NLRC5: variants seen among roughly 807,000 people sequenced by gnomAD.
The protein encoded by NLRC5 is NLR family CARD domain containing 5.
In NLRC5, 114 loss-of-function variants were observed where a neutral mutation model predicts 206.9. The observed-to-expected ratio is 0.55, with a 90% confidence interval of 0.47 to 0.64. The LOEUF (loss-of-function observed/expected upper bound fraction) is 0.64, where lower values mean the gene tolerates loss of function less well. Ranked by LOEUF, NLRC5 falls within the 30% of genes least tolerant of loss-of-function variation. The pLI is 0.00. For missense variants in NLRC5, 2,008 were observed against 2,305.5 expected (o/e 0.87, Z 2.64); for synonymous variants, 952 against 962.8 (o/e 0.99, Z 0.21).
Position 57,058,078 on chromosome 16 carries a change from C to T in NLRC5, c.3760C>T (p.Leu1254=), listed in dbSNP as rs1347093174. 6.2e-7 allele frequency: 1 copy of T among 1,612,394 alleles called. No individual in the cohort carries two copies. The highest frequency in any genetic ancestry group is 2.2e-5 in the East Asian group (1 of 44,876). The change falls in exon 28 of 49, where the codon CTG becomes TTG. Residue 1254 remains leucine (L), a synonymous_variant. Coordinates refer to ENST00000688547, the MANE Select transcript of NLRC5 (RefSeq NM_001384950.1). The part of the protein sequence containing the change: ...DLSQVDLSAN[L]LGDSGLRCLL... ...TACCCCCTACAGTCTCTCAGCAAAC[C>T]TGCTGGGCGACAGCGGACTCAGATG...
At chr16:57,028,439 T>C in intron 8 of NLRC5, 54 bp downstream of exon 8, 7 of 1,376,276 alleles carry the variant, frequency 5.1e-6, no homozygotes, top group Non-Finnish European at 7.3e-6. Context: ...ACTGCCCAGG[T>C]CCCAGAGTCC....
intron 17 of NLRC5, 172 bp from the exon 18 acceptor site, chr16:57,041,313 G>A: frequency 1.7e-6 from 1 of 588,242 alleles, no homozygotes. Context: ...CATCCTGTGG[G>A]TGTCGTGTGT....
chr16:57,008,681 C>T (rs1033687636), intron 1 of NLRC5, among the ~76,000 whole-genome samples: 1 of 152,072 alleles, frequency 6.6e-6, no homozygotes, highest in Non-Finnish European at 1.5e-5. Context: ...CTACTTAGCA[C>T]ATAAGTATTG....
In NLRC5 at chr16:57,058,138, G is replaced by A. The variant is rs577534919; in HGVS notation, c.3820G>A (p.Gly1274Ser). The A allele has an allele frequency of 5.6e-6, 9 of 1,607,838 alleles. No individual in the cohort carries two copies. Among genetic ancestry groups the A allele is most frequent in the African/African-American group, 2.7e-5 (2 of 74,828 alleles). ...LECLPQVPISGLLDLSHNSIS... is the reference protein window; with the variant it reads ...LECLPQVPISSLLDLSHNSIS... ...ATGTCTGCCGCAGGTGCCCATCTCC[G>A]GTTTGCTTGAGTAAGTGGAAAGCAG... The change falls in exon 28 of 49, where the codon GGT (glycine) becomes AGT (serine). Residue 1274 changes from glycine to serine, a missense_variant. Gly to Ser is a moderately conservative substitution (Grantham distance 56, BLOSUM62 0). Coordinates refer to ENST00000688547, the MANE Select transcript of NLRC5 (RefSeq NM_001384950.1).
rs1303519061 is a variant in NLRC5 at position 57,058,238 on chromosome 16, C to T, written c.3830+90C>T. The stretch of plus-strand genomic sequence containing the variant: ...ATGGGGGCTCCTTCTGAGGGCATCC[C>T]CCAGAGCACCAGAGGACAAGGACTG... On this transcript the variant is annotated intron_variant, in intron 28 of 48. Transcript: ENST00000688547. The T allele has an allele frequency of 3.7e-6, 4 of 1,072,728 alleles. No individual in the cohort carries two copies. In the East Asian group the frequency reaches 1.0e-4, roughly 28 times the overall value. 66.5% of individuals were successfully genotyped at this position (1,072,728 alleles called of 1,614,324 possible). A position where few individuals can be genotyped will look rare whatever the true frequency, so the allele number is the denominator to read the frequency against.
At chr16:57,063,025 G>A (rs1393499386) in intron 32 of NLRC5, among the ~76,000 whole-genome samples, 1 of 149,582 alleles carries the variant, frequency 6.7e-6, no homozygotes, top group Non-Finnish European at 1.5e-5. Flanking sequence ...TTGTCTTTTT[G>A]TGACTGGCTC....
intron 1 of NLRC5, among the ~76,000 whole-genome samples, chr16:57,009,517 T>C (rs1039638779): frequency 2.0e-5 from 3 of 149,710 alleles, no homozygotes; most frequent in Admixed American, 2.0e-4. Context: ...GGCGTGAACC[T>C]GGGAGGTGGA....
intron 4 of NLRC5, among the ~76,000 whole-genome samples, chr16:57,023,218 C>T (rs1408104349): frequency 1.3e-5 from 2 of 152,184 alleles, no homozygotes; most frequent in Admixed American, 6.5e-5. Flanking sequence ...TTCTGGGTCC[C>T]CTTCCTTCTT....
intron 44 of NLRC5, 21 bp from the exon 45 acceptor site, chr16:57,079,200 G>A (rs1270872806): frequency 1.2e-6 from 2 of 1,613,924 alleles, no homozygotes; most frequent in Non-Finnish European, 1.7e-6. Context: ...TCCTCTCACA[G>A]GTATCTCCCC....
chr16:56,999,016 T>A lies in NLRC5; in HGVS notation c.-128+9399T>A, dbSNP rs114208977. On this transcript the variant is annotated intron_variant, in intron 1 of 48. Transcript: ENST00000688547. ...CAGTTCTGGAGACTAAAGTCTGAGA[T>A]CAGAGTGCCAGCATGGTCGGGTTCT... Among the ~76,000 whole-genome samples, 1,034 of 152,348 alleles carry A rather than the reference T, an allele frequency of 6.8e-3. 18 individuals are homozygous for A. Among genetic ancestry groups the A allele is most frequent in the African/African-American group, 0.023 (963 of 41,572 alleles).
At position 57,037,248 on chromosome 16, in the gene NLRC5, T is replaced by G; in HGVS notation, c.2765T>G (p.Val922Gly). 1 of 1,613,740 alleles carries G rather than the reference T, an allele frequency of 6.2e-7. No homozygotes were observed. Among genetic ancestry groups the G allele is most frequent in the Non-Finnish European group, 8.5e-7 (1 of 1,179,988 alleles). The change falls in exon 15 of 49, where the codon GTG becomes GGG. Residue 922 changes from valine (V) to glycine (G), a missense_variant. Val to Gly is a moderately radical substitution (Grantham distance 109). Coordinates refer to ENST00000688547, the MANE Select transcript of NLRC5 (RefSeq NM_001384950.1). ...VAGVHCVLRAVSACWTLAELH... is the reference protein window; with the variant it reads ...VAGVHCVLRAGSACWTLAELH... Reference sequence around the variant, plus strand: ...GGGGTGCATTGTGTGCTGAGGGCCGTGAGTGCGTGCTGGACCCTGGCAGAG... The same window carrying G: ...GGGGTGCATTGTGTGCTGAGGGCCGGGAGTGCGTGCTGGACCCTGGCAGAG...
At chr16:57,070,227 G>A (rs951363023) in intron 37 of NLRC5, among the ~76,000 whole-genome samples, 2 of 144,824 alleles carry the variant, frequency 1.4e-5, no homozygotes, top group Non-Finnish European at 3.0e-5. Flanking sequence ...TCAGGCTACG[G>A]AGAGGGCTGA....
intron 27 of NLRC5, 96 bp downstream of exon 27, chr16:57,055,615 T>C: frequency 2.1e-6 from 2 of 954,466 alleles, no homozygotes; most frequent in Admixed American, 2.0e-5. Flanking sequence ...CATACACTCA[T>C]GTGTGCCTGC....
intron 1 of NLRC5, chr16:57,013,894 A>G (rs977615401): frequency 7.2e-5 from 41 of 566,756 alleles, no homozygotes; most frequent in Non-Finnish European, 1.1e-4. Context: ...TATCATATGC[A>G]GATTCTACAA....
intron 16 of NLRC5, 47 bp from the exon 17 acceptor site, chr16:57,040,603 G>A (rs1251793270): frequency 2.5e-6 from 4 of 1,573,076 alleles, no homozygotes; most frequent in East Asian, 4.5e-5. Context: ...TTCTGGAGAT[G>A]GCGGACATGG....
At chr16:57,070,871 G>C (rs1191847960) in intron 38 of NLRC5, among the ~76,000 whole-genome samples, 5 of 149,280 alleles carry the variant, frequency 3.3e-5, no homozygotes, top group African/African-American at 1.3e-4. Flanking sequence ...TGAGAGTGGT[G>C]ATGGTGGTTA....
In NLRC5 at chr16:57,020,954, A is replaced by T. The variant is rs1260232782; in HGVS notation, c.242A>T (p.Glu81Val). The change falls in exon 3 of 49, where the codon GAG (glutamate) becomes GTG (valine). Residue 81 changes from glutamate to valine, a missense_variant. Glu to Val is a moderately radical substitution (Grantham distance 121, BLOSUM62 -2). Coordinates refer to ENST00000688547, the MANE Select transcript of NLRC5 (RefSeq NM_001384950.1). ...ATTCATTGTGTGTGCATGCAGCTGG[A>T]GGTGCCTCTGGACCTGGAGGTGCTG... ...SFIHCVCMQL[E>V]VPLDLEVLLL... 6.2e-7 allele frequency: 1 copy of T among 1,613,846 alleles called. No homozygotes were observed. Among genetic ancestry groups the T allele is most frequent in the Non-Finnish European group, 8.5e-7 (1 of 1,179,990 alleles).
intron 23 of NLRC5, among the ~76,000 whole-genome samples, chr16:57,050,351 G>A (rs1169151579): frequency 6.6e-6 from 1 of 152,150 alleles, no homozygotes; most frequent in Non-Finnish European, 1.5e-5. Context: ...GCCCTACCCT[G>A]CCCCCCAGCT....
chr16:57,016,726 A>C (rs749073637), intron 1 of NLRC5, among the ~76,000 whole-genome samples: 1 of 152,194 alleles, frequency 6.6e-6, no homozygotes, highest in Non-Finnish European at 1.5e-5. Flanking sequence ...TTTCATTTTC[A>C]TCTGAATAAA....
Sources: gnomAD v4.1 joint callset for allele counts (sites outside exome capture counted in the v4.1 genomes callset) on GRCh38, gnomAD v4.1.1 for gene constraint, MANE v1.5 for transcripts, NCBI Gene and HGNC (gene_info 2026-07-23, HGNC 2026-07-21) for gene names.